The following MINDY2 variants were observed in gnomAD, a reference collection of about 807,000 sequenced individuals.
MINDY2 encodes the protein ubiquitin carboxyl-terminal hydrolase MINDY-2.
A neutral mutation model predicts 68.2 loss-of-function variants in MINDY2; 52 were observed. The observed-to-expected ratio is 0.76, with a 90% CI of 0.61 to 0.96. The LOEUF (loss-of-function observed/expected upper bound fraction) is 0.96. MINDY2 is among the 40% of genes least tolerant of loss of function. The pLI is 0.00. For synonymous variants in MINDY2, 372 were observed against 303.0 expected (o/e 1.23, Z -2.36); for missense variants, 881 against 773.4 (o/e 1.14, Z -1.65).
chr15:58,813,863 G>A (rs1380762676), intron 4 of MINDY2, among the ~76,000 whole-genome samples: 1 of 148,868 alleles, frequency 6.7e-6, no homozygotes, highest in Admixed American at 6.7e-5. Flanking sequence ...AGCACTTAAT[G>A]TTGTCACTAT....
intron 6 of MINDY2, among the ~76,000 whole-genome samples, chr15:58,843,045 CTTAG>C (rs2032355961): frequency 6.6e-6 from 1 of 152,126 alleles, no homozygotes; most frequent in Non-Finnish European, 1.5e-5. Flanking sequence ...TAGAAACTCT[CTTAG>C]AAATGTATAA....
chr15:58,806,318 C>T (rs1018059886), intron 3 of MINDY2, among the ~76,000 whole-genome samples: 2 of 151,336 alleles, frequency 1.3e-5, no homozygotes, highest in African/African-American at 2.4e-5. Context: ...AAGTGATCCA[C>T]CTGTCTGGCA....
chr15:58,841,953 A>G (rs2032308529), intron 6 of MINDY2, among the ~76,000 whole-genome samples: 1 of 152,060 alleles, frequency 6.6e-6, no homozygotes, highest in Non-Finnish European at 1.5e-5. Context: ...ATCCTTACCT[A>G]ATTCTATATC....
intron 2 of MINDY2, among the ~76,000 whole-genome samples, chr15:58,792,005 G>C (rs1489704600): frequency 6.6e-6 from 1 of 152,144 alleles, no homozygotes; most frequent in Admixed American, 6.5e-5. Context: ...TCAAGGAAGA[G>C]TGAGAGATGA....
Position 58,858,476 on chromosome 15 carries a change from G to A in MINDY2, c.*3866G>A, listed in dbSNP as rs1213653975. 1 of 152,056 alleles carries A rather than the reference G, an allele frequency of 6.6e-6. No individual in the cohort carries two copies. Among genetic ancestry groups the A allele is most frequent in the African/African-American group, 2.4e-5 (1 of 41,410 alleles). The allele number at this position is 152,056 out of a possible 1,614,324, so 9.4% of individuals were successfully genotyped here. A position where few individuals can be genotyped will look rare whatever the true frequency, so the allele number is the denominator to read the frequency against. On this transcript the variant is annotated 3_prime_UTR_variant, in exon 9 of 9. Coordinates refer to ENST00000559228, the MANE Select transcript of MINDY2 (RefSeq NM_001040450.3). Reference sequence around the variant, plus strand: ...ATGAATCAGAAAGTCAATTCACTAAGAGACAGATCATGAGAGGAAAGAGAA... The same window carrying A: ...ATGAATCAGAAAGTCAATTCACTAAAAGACAGATCATGAGAGGAAAGAGAA...
In MINDY2 at chr15:58,851,800, A is replaced by G; in HGVS notation, c.1572A>G (p.Gln524=). 6.3e-7 allele frequency: 1 copy of G among 1,595,208 alleles called. No homozygotes were observed. The highest frequency in any genetic ancestry group is 8.5e-7 in the Non-Finnish European group (1 of 1,175,084). Residue 524 remains glutamine (Q), a synonymous_variant, in exon 8 of 9, where the codon CAA becomes CAG. Transcript: ENST00000559228. Reference sequence around the variant, plus strand: ...ATCTTATGGCATTATCTCTACAACAAGAACAGCAGAGCCAAGAGATCAATT... The same window carrying G: ...ATCTTATGGCATTATCTCTACAACAGGAACAGCAGAGCCAAGAGATCAATT... The part of the protein sequence containing the change: ...QDYLMALSLQ[Q]EQQSQEINWE...
chr15:58,795,934 A>G (rs1343288975), intron 2 of MINDY2: 13 of 358,302 alleles, frequency 3.6e-5, no homozygotes, highest in African/African-American at 2.5e-4. Context: ...GGTAGAATGA[A>G]GTCAAGAGAG....
intron 6 of MINDY2, among the ~76,000 whole-genome samples, chr15:58,842,489 C>T (rs1319777598): frequency 6.6e-6 from 1 of 151,946 alleles, no homozygotes; most frequent in African/African-American, 2.4e-5. Flanking sequence ...AGTAACAATC[C>T]ATTAAGTTTA....
At chr15:58,803,480 AAAAG>A (rs1186578142) in intron 3 of MINDY2, among the ~76,000 whole-genome samples, 7 of 150,850 alleles carry the variant, frequency 4.6e-5, no homozygotes, top group Admixed American at 2.0e-4. Flanking sequence ...AAAAAAAAAA[AAAAG>A]AAGAAGAATC....
chr15:58,837,194 C>T (rs2032035047), intron 6 of MINDY2, among the ~76,000 whole-genome samples: 1 of 152,144 alleles, frequency 6.6e-6, no homozygotes. Context: ...ATTATTCTCT[C>T]CTACTAATTC....
chr15:58,804,195 A>G (rs980806889), intron 3 of MINDY2, among the ~76,000 whole-genome samples: 1 of 152,074 alleles, frequency 6.6e-6, no homozygotes, highest in Non-Finnish European at 1.5e-5. Context: ...TTTAAATTTT[A>G]TCAGGGGAAT....
At chr15:58,836,360 G>C (rs1203960841) in intron 6 of MINDY2, among the ~76,000 whole-genome samples, 1 of 151,594 alleles carries the variant, frequency 6.6e-6, no homozygotes, top group African/African-American at 2.4e-5. Context: ...CTTGTCCCCA[G>C]AATAGTTCTA....
chr15:58,835,034 C>A (rs930950257), intron 6 of MINDY2, among the ~76,000 whole-genome samples: 1 of 152,106 alleles, frequency 6.6e-6, no homozygotes, highest in Non-Finnish European at 1.5e-5. Flanking sequence ...CTTAACCTGA[C>A]CTCTCAAGTC....
At chr15:58,852,927 T>G (rs1457364138) in intron 8 of MINDY2, among the ~76,000 whole-genome samples, 123 of 2,070 alleles carry the variant, frequency 0.059, no homozygotes, top group African/African-American at 0.09. Context: ...TTCCTGTTTT[T>G]TTTTTTTTTT....
chr15:58,777,227 AGACTTG>A (rs1900827097), intron 1 of MINDY2, among the ~76,000 whole-genome samples: 2 of 152,224 alleles, frequency 1.3e-5, no homozygotes, highest in Admixed American at 1.3e-4. Flanking sequence ...AGAGTTATCA[AGACTTG>A]GGCTTTTCTT....
intron 2 of MINDY2, among the ~76,000 whole-genome samples, chr15:58,791,355 A>G (rs893503572): frequency 6.6e-6 from 1 of 150,874 alleles, no homozygotes; most frequent in Non-Finnish European, 1.5e-5. Context: ...AGTAGCCACT[A>G]GCCACATGCG....
At chr15:58,812,747 A>G (rs2140979712) in intron 4 of MINDY2, among the ~76,000 whole-genome samples, 1 of 152,308 alleles carries the variant, frequency 6.6e-6, no homozygotes, top group South Asian at 2.1e-4. Context: ...AGTCCCAGCT[A>G]TTCAGGAAGC....
At chr15:58,776,297 A>G (rs1325728251) in intron 1 of MINDY2, among the ~76,000 whole-genome samples, 1 of 152,156 alleles carries the variant, frequency 6.6e-6, no homozygotes, top group Non-Finnish European at 1.5e-5. Context: ...CATCCTCTCC[A>G]TCCTGCCTCA....
chr15:58,774,220 C>T (rs756713696), intron 1 of MINDY2, among the ~76,000 whole-genome samples: 1 of 152,142 alleles, frequency 6.6e-6, no homozygotes, highest in African/African-American at 2.4e-5. Flanking sequence ...CGGTGGCTCA[C>T]GCCTGTATTC....
Sources: allele counts gnomAD v4.1 joint callset (sites outside exome capture counted in the v4.1 genomes callset), GRCh38; gene constraint gnomAD v4.1.1; transcripts MANE v1.5; gene names NCBI Gene and HGNC (gene_info 2026-07-23, HGNC 2026-07-21).